Variants in ANO10 observed in about 807,000 individuals in gnomAD.
ANO10 encodes the protein anoctamin 10, also known as anoctamin-10.
ANO10 carries 77 observed loss-of-function variants against 74.7 expected under a neutral mutation model. That is an observed-to-expected ratio of 1.03 (90% CI 0.86 to 1.25). ANO10 has a LOEUF of 1.25. Among genes scored for constraint, ANO10 ranks in the 50% most tolerant of loss-of-function variants. The pLI is 0.00. For synonymous variants in ANO10, 279 were observed against 284.9 expected, an observed-to-expected ratio of 0.98 and a Z score of 0.21; for missense variants, 721 against 778.1, an observed-to-expected ratio of 0.93 and a Z score of 0.87.
intron 11 of ANO10, among the ~76,000 whole-genome samples, chr3:43,504,445 A>C (rs749370115): frequency 1.3e-5 from 2 of 152,202 alleles, no homozygotes; most frequent in Non-Finnish European, 2.9e-5. Context: ...ATCTCTGCTA[A>C]GAAATGTAAA....
intron 7 of ANO10, among the ~76,000 whole-genome samples, chr3:43,570,394 G>T (rs1192694835): frequency 5.3e-5 from 8 of 151,702 alleles, no homozygotes; most frequent in Non-Finnish European, 1.0e-4. Context: ...TAAGCCAAAA[G>T]AACAAAGCTG....
At chr3:43,564,135 C>A (rs540829040) in intron 8 of ANO10, among the ~76,000 whole-genome samples, 4 of 151,964 alleles carry the variant, frequency 2.6e-5, no homozygotes, top group Admixed American at 2.0e-4. Context: ...CAGGCTCAGA[C>A]AATCCTCCCA....
chr3:43,572,690 C>T (rs2149388819), intron 7 of ANO10, among the ~76,000 whole-genome samples: 1 of 152,342 alleles, frequency 6.6e-6, no homozygotes, highest in East Asian at 1.9e-4. Context: ...CTATAGCTTA[C>T]TTCCTGCACC....
chr3:43,563,992 T>C (rs2080182901), intron 8 of ANO10, among the ~76,000 whole-genome samples: 1 of 152,120 alleles, frequency 6.6e-6, no homozygotes, highest in Non-Finnish European at 1.5e-5. Flanking sequence ...TCCCAACATA[T>C]AGAAATGATA....
Position 43,375,198 on chromosome 3 carries a change from C to A in ANO10, c.1915-8224G>T, listed in dbSNP as rs1053995306. 3.3e-5 allele frequency among the ~76,000 whole-genome samples: 5 copies of A among 151,964 alleles called. No individual in the cohort carries two copies. The East Asian group carries it at 9.7e-4, about 29-fold the overall frequency. On this transcript the variant is annotated intron_variant, in intron 12 of 12. Transcript: ENST00000292246. The stretch of plus-strand genomic sequence containing the variant: ...CAGTGGCTCATGCTGGTAATCCCAG[C>A]ACTTTGGGAGGCCAAGGCAGGTGGA...
At chr3:43,371,172 C>T (rs1011280207) in intron 12 of ANO10, among the ~76,000 whole-genome samples, 1 of 152,192 alleles carries the variant, frequency 6.6e-6, no homozygotes, top group Admixed American at 6.5e-5. Flanking sequence ...CCCTGCCCCC[C>T]GTCCCAAACC....
intron 1 of ANO10, among the ~76,000 whole-genome samples, chr3:43,642,244 T>C (rs112305778): frequency 9.8e-5 from 15 of 152,346 alleles, no homozygotes; most frequent in African/African-American, 3.6e-4. Flanking sequence ...GACTTAATAG[T>C]TGTTTTTGCC....
rs1174403904 is a variant in ANO10 at position 43,470,618 on chromosome 3, TTATTTATTTATG to T, written c.1798-37903_1798-37892del. On this transcript the variant is annotated intron_variant, in intron 11 of 12. Coordinates refer to ENST00000292246, the MANE Select transcript of ANO10 (RefSeq NM_018075.5). The stretch of plus-strand genomic sequence containing the variant: ...TTATTTTATTTATTTATTTATTTAT[TTATTTATTTATG>T]TATTTATTTATTTTGAGGCAGAGTT... 3.2e-3 allele frequency among the ~76,000 whole-genome samples: 474 copies of T among 149,270 alleles called. 3 individuals carry two copies. The highest frequency in any genetic ancestry group is 0.01 in the African/African-American group (419 of 40,972).
chr3:43,386,905 G>A lies in ANO10; in HGVS notation c.1915-19931C>T, dbSNP rs139334440. Among the ~76,000 whole-genome samples the A allele has an allele frequency of 9.8e-5, 15 of 152,306 alleles. No homozygotes were observed. The East Asian group carries it at 2.9e-3, about 29-fold the overall frequency. On this transcript the variant is annotated intron_variant, in intron 12 of 12. Transcript: ENST00000292246. ...GACTGAAGCCTGGGATCTCCACTGG[G>A]AGGACAGAGGGCCAATCTCGAAATG...
chr3:43,569,056 A>C (rs1441734350), intron 7 of ANO10, among the ~76,000 whole-genome samples: 30 of 139,124 alleles, frequency 2.2e-4, no homozygotes, highest in East Asian at 1.4e-3. Flanking sequence ...TACTACAAAC[A>C]CCTCTACGCA....
At chr3:43,465,786 T>C (rs972292477) in intron 11 of ANO10, among the ~76,000 whole-genome samples, 1 of 152,176 alleles carries the variant, frequency 6.6e-6, no homozygotes, top group African/African-American at 2.4e-5. Flanking sequence ...ATGAATACAA[T>C]ATGTACAAAT....
At chr3:43,399,811 C>T (rs1172077764) in intron 12 of ANO10, among the ~76,000 whole-genome samples, 2 of 152,134 alleles carry the variant, frequency 1.3e-5, no homozygotes, top group Non-Finnish European at 2.9e-5. Context: ...GGTACCATAG[C>T]CTTTCCTTGC....
intron 1 of ANO10, among the ~76,000 whole-genome samples, chr3:43,656,063 T>C (rs1314414864): frequency 7.0e-6 from 1 of 143,082 alleles, no homozygotes; most frequent in African/African-American, 2.6e-5. Context: ...TCACAAACCC[T>C]GAGCTAGACA....
At chr3:43,677,534 T>C (rs955965716) in intron 1 of ANO10, among the ~76,000 whole-genome samples, 2 of 152,354 alleles carry the variant, frequency 1.3e-5, no homozygotes, top group Admixed American at 6.5e-5. Flanking sequence ...TACTTCAAAA[T>C]ATAGTGGCTT....
chr3:43,574,838 G>T lies in ANO10; in HGVS notation c.1189C>A (p.Gln397Lys). 6.2e-7 allele frequency: 1 copy of T among 1,614,026 alleles called. No individual in the cohort carries two copies. The highest frequency in any genetic ancestry group is 8.5e-7 in the Non-Finnish European group (1 of 1,179,938). Reference sequence around the variant, plus strand: ...AAAACTTTCAGAATTAGATGGTTCTGATAGGCAGATTCCAATCTGTGATTC... The same window carrying T: ...AAAACTTTCAGAATTAGATGGTTCTTATAGGCAGATTCCAATCTGTGATTC... ...WENHRLESAY[Q>K]NHLILKVLVF... Residue 397 changes from glutamine to lysine, a missense_variant, in exon 7 of 13, where the codon CAG becomes AAG. By Grantham distance (53) the Gln-to-Lys change is moderately conservative. Transcript: ENST00000292246.
intron 1 of ANO10, among the ~76,000 whole-genome samples, chr3:43,647,155 G>A (rs922542247): frequency 7.3e-5 from 10 of 137,802 alleles, no homozygotes; most frequent in African/African-American, 2.4e-4. Context: ...GTGTATATAT[G>A]TGTGTGTGTG....
At chr3:43,527,355 A>G (rs1330811982) in intron 11 of ANO10, among the ~76,000 whole-genome samples, 1 of 152,184 alleles carries the variant, frequency 6.6e-6, no homozygotes, top group Non-Finnish European at 1.5e-5. Context: ...TTCAAATAAT[A>G]TAAAATAAAA....
At chr3:43,421,817 G>C (rs754588395) in intron 12 of ANO10, among the ~76,000 whole-genome samples, 1 of 148,204 alleles carries the variant, frequency 6.7e-6, no homozygotes, top group Non-Finnish European at 1.5e-5. Context: ...CAGCCTGAGT[G>C]ACGGAGTAAG....
At chr3:43,446,546 T>C (rs973140966) in intron 11 of ANO10, among the ~76,000 whole-genome samples, 1 of 152,232 alleles carries the variant, frequency 6.6e-6, no homozygotes, top group African/African-American at 2.4e-5. Flanking sequence ...TACTGGTTTA[T>C]GGTTTATTAC....
Sources: gnomAD v4.1 joint callset for allele counts (sites outside exome capture counted in the v4.1 genomes callset) on GRCh38, gnomAD v4.1.1 for gene constraint, MANE v1.5 for transcripts, NCBI Gene and HGNC (gene_info 2026-07-23, HGNC 2026-07-21) for gene names.